STPG2: variants seen among roughly 807,000 people sequenced by gnomAD.
The protein encoded by STPG2 is sperm-tail PG-rich repeat-containing protein 2.
STPG2 carries 56 observed loss-of-function variants against 54.2 expected under a neutral mutation model. The observed-to-expected ratio is 1.03, with a 90% CI of 0.83 to 1.29. STPG2 has a LOEUF of 1.29. Among genes scored for constraint, STPG2 ranks in the 50% most tolerant of loss-of-function variants. The probability of loss-of-function intolerance (pLI) is 0.00; values close to 1 mark genes in which losing one functional copy is unlikely to be tolerated. For missense variants in STPG2, 596 were observed against 544.9 expected (o/e 1.09, Z -0.93); for synonymous variants, 200 against 181.8 (o/e 1.10, Z -0.81).
intron 10 of STPG2, among the ~76,000 whole-genome samples, chr4:97,560,973 G>T (rs1414080604): frequency 2.6e-5 from 4 of 152,146 alleles, no homozygotes; most frequent in South Asian, 2.1e-4. Context: ...CCCAGTAATG[G>T]GATGGCCGGG....
intron 7 of STPG2, among the ~76,000 whole-genome samples, chr4:97,962,860 G>C (rs1464980525): frequency 6.6e-6 from 1 of 152,134 alleles, no homozygotes; most frequent in African/African-American, 2.4e-5. Context: ...CTACAGTGAA[G>C]AATAAATACT....
chr4:98,042,659 G>A (rs921038223), intron 5 of STPG2, among the ~76,000 whole-genome samples: 3 of 151,832 alleles, frequency 2.0e-5, no homozygotes, highest in African/African-American at 7.3e-5. Context: ...TTCAATATGG[G>A]TTAAGAAAAT....
chr4:98,130,940 C>CAAAAAAAAAA (rs1215700216), intron 2 of STPG2, among the ~76,000 whole-genome samples: 1 of 96,282 alleles, frequency 1.0e-5, no homozygotes, highest in African/African-American at 4.2e-5. Context: ...AAAAAAAAAA[C>CAAAAAAAAAA]AAAAAAAAAA....
At chr4:97,714,792 A>G (rs908071505) in intron 9 of STPG2, among the ~76,000 whole-genome samples, 1 of 152,134 alleles carries the variant, frequency 6.6e-6, no homozygotes, top group Non-Finnish European at 1.5e-5. Context: ...TTCCATAGTC[A>G]GTTAATTGAA....
chr4:97,557,990 A>G (rs533212150), downstream of STPG2, among the ~76,000 whole-genome samples: 4 of 152,328 alleles, frequency 2.6e-5, no homozygotes, highest in African/African-American at 9.6e-5. Context: ...ACTACTTCCT[A>G]AGCCAAACGA....
Position 97,943,983 on chromosome 4 carries a change from C to A in STPG2, c.958G>T (p.Gly320Ter). ...AAGTTAGGTAATTCATCAGAAATTCCCACACCCTGTGAATGCCAAAATTCC... is the reference window on the plus strand; with the variant it reads ...AAGTTAGGTAATTCATCAGAAATTCACACACCCTGTGAATGCCAAAATTCC... ...YQEFWHSQGV[G>*]ISDELPNLTN... is the part of the protein sequence containing the mutation. Residue 320 changes from glycine (G) to a stop codon, truncating the protein, a stop_gained, in exon 8 of 11, where the codon GGA (glycine) becomes TGA (stop). Transcript: ENST00000295268. LOFTEE classifies it high-confidence loss of function. The A allele has an allele frequency of 6.2e-7, 1 of 1,607,846 alleles. No homozygotes were observed. The highest frequency in any genetic ancestry group is 8.5e-7 in the Non-Finnish European group (1 of 1,177,818).
intron 8 of STPG2, among the ~76,000 whole-genome samples, chr4:97,908,140 A>G (rs1307873023): frequency 4.6e-5 from 7 of 151,870 alleles, no homozygotes; most frequent in African/African-American, 1.7e-4. Flanking sequence ...GCTAATATCC[A>G]GAATCTACAA....
chr4:97,543,130 T>A (rs996103918), intron 4 of STPG2, among the ~76,000 whole-genome samples: 27 of 150,756 alleles, frequency 1.8e-4, no homozygotes, highest in Middle Eastern at 3.5e-3. Flanking sequence ...TAATAAAAAA[T>A]ATATATATAA....
intron 9 of STPG2, among the ~76,000 whole-genome samples, chr4:97,779,358 G>C (rs1726514325): frequency 6.6e-6 from 1 of 152,124 alleles, no homozygotes; most frequent in African/African-American, 2.4e-5. Flanking sequence ...TGAATGAAAT[G>C]AAGTGAGAAG....
chr4:97,981,293 G>A lies in STPG2; in HGVS notation c.638C>T (p.Thr213Ile), dbSNP rs1378464764. ...KKRFLPMKSI[T>I]PAPGTYNEPR... ...TTCATTATATGTGCCAGGAGCCGGG[G>A]TGATTGATTTCATAGGTAAAAATCT... The change falls in exon 6 of 11, where the codon ACC becomes ATC. Residue 213 changes from threonine (T) to isoleucine (I), a missense_variant. Physicochemically the swap from Thr to Ile is moderately conservative, Grantham distance 89. Coordinates refer to ENST00000295268, the MANE Select transcript of STPG2 (RefSeq NM_174952.3). 2 of 1,613,974 alleles carry A rather than the reference G, an allele frequency of 1.2e-6. No homozygotes were observed. The highest frequency in any genetic ancestry group is 4.5e-5 in the East Asian group (2 of 44,842).
chr4:97,855,145 T>C (rs1270045549), intron 8 of STPG2, among the ~76,000 whole-genome samples: 1 of 152,188 alleles, frequency 6.6e-6, no homozygotes, highest in South Asian at 2.1e-4. Context: ...CTTTATCTAG[T>C]CTATCATTGA....
At chr4:97,703,159 T>C (rs1419537484) in intron 10 of STPG2, among the ~76,000 whole-genome samples, 1 of 151,988 alleles carries the variant, frequency 6.6e-6, no homozygotes, top group Non-Finnish European at 1.5e-5. Context: ...GAGTGTCAAA[T>C]GCATTTATTT....
At chr4:97,523,423 A>G (rs1462432471) in intron 4 of STPG2, among the ~76,000 whole-genome samples, 1 of 151,986 alleles carries the variant, frequency 6.6e-6, no homozygotes, top group Non-Finnish European at 1.5e-5. Context: ...CTCAATAAAT[A>G]TGAGTTCTCT....
intron 4 of STPG2, among the ~76,000 whole-genome samples, chr4:97,491,895 G>A (rs898317091): frequency 6.6e-6 from 1 of 151,406 alleles, no homozygotes; most frequent in African/African-American, 2.4e-5. Context: ...AACTCAATGG[G>A]GCAATGATAA....
intron 10 of STPG2, among the ~76,000 whole-genome samples, chr4:97,604,210 A>G (rs1259649435): frequency 6.6e-6 from 1 of 151,656 alleles, no homozygotes; most frequent in Non-Finnish European, 1.5e-5. Context: ...ATAGCCTCAT[A>G]TCTTTCAAGT....
intron 10 of STPG2, among the ~76,000 whole-genome samples, chr4:97,646,539 G>A (rs764619252): frequency 2.0e-5 from 3 of 151,854 alleles, no homozygotes; most frequent in Non-Finnish European, 2.9e-5. Flanking sequence ...AGGACCTTTG[G>A]GAAATTCCCA....
intron 10 of STPG2, among the ~76,000 whole-genome samples, chr4:97,615,203 ATGACT>A (rs1733828695): frequency 6.6e-6 from 1 of 152,096 alleles, no homozygotes; most frequent in Non-Finnish European, 1.5e-5. Flanking sequence ...TTTTAAACTG[ATGACT>A]TATCTTTTTT....
chr4:97,703,631 T>C (rs997160873), intron 10 of STPG2, among the ~76,000 whole-genome samples: 3 of 139,666 alleles, frequency 2.1e-5, no homozygotes, highest in African/African-American at 7.8e-5. Context: ...ATATATATTA[T>C]ATATATAAAT....
At chr4:97,853,646 T>G (rs1729239658) in intron 8 of STPG2, among the ~76,000 whole-genome samples, 1 of 152,224 alleles carries the variant, frequency 6.6e-6, no homozygotes, top group African/African-American at 2.4e-5. Flanking sequence ...TCCAAAATAC[T>G]TTTAACTTCA....
Sources: allele counts gnomAD v4.1 joint callset (sites outside exome capture counted in the v4.1 genomes callset), GRCh38; gene constraint gnomAD v4.1.1; transcripts MANE v1.5; gene names NCBI Gene and HGNC (gene_info 2026-07-23, HGNC 2026-07-21).